Variants in PCDH15 observed in about 807,000 individuals in gnomAD.
PCDH15 encodes the protein protocadherin related 15.
Under a neutral mutation model 178.5 loss-of-function variants are expected in PCDH15, and 129 were observed. The ratio of observed to expected loss-of-function variants is 0.72; its 90% confidence interval spans 0.63 to 0.84. PCDH15 has a LOEUF of 0.84. PCDH15 is among the 40% of genes least tolerant of loss of function. PCDH15 has a pLI of 0.00. For synonymous variants in PCDH15, 800 were observed against 732.0 expected (o/e 1.09, Z -1.50); for missense variants, 2,230 against 2,099.9 (o/e 1.06, Z -1.21).
At chr10:54,154,357 C>T (rs2044867288) in intron 13 of PCDH15, among the ~76,000 whole-genome samples, 2 of 151,994 alleles carry the variant, frequency 1.3e-5, no homozygotes, top group Non-Finnish European at 2.9e-5. Flanking sequence ...AAAGAAAACA[C>T]ATGTAATTGT....
At chr10:55,212,609 T>A (rs1014789225) in intron 1 of PCDH15, among the ~76,000 whole-genome samples, 5 of 152,080 alleles carry the variant, frequency 3.3e-5, no homozygotes, top group African/African-American at 1.2e-4. Flanking sequence ...ACAGAGCGCA[T>A]GAACTGAGTG....
At chr10:53,951,985 C>G (rs1453681009) in intron 23 of PCDH15, among the ~76,000 whole-genome samples, 34 of 152,196 alleles carry the variant, frequency 2.2e-4, no homozygotes. Context: ...GCACTGCAAG[C>G]AGATTCCACT....
At chr10:55,338,668 T>C (rs1844466299) in intron 2 of PCDH15, among the ~76,000 whole-genome samples, 1 of 152,030 alleles carries the variant, frequency 6.6e-6, no homozygotes, top group Non-Finnish European at 1.5e-5. Flanking sequence ...CTTGGGATGC[T>C]GAAGCAGGGG....
chr10:54,952,557 T>A (rs763935737), intron 2 of PCDH15, among the ~76,000 whole-genome samples: 1 of 151,832 alleles, frequency 6.6e-6, no homozygotes, highest in Non-Finnish European at 1.5e-5. Flanking sequence ...GGATTTTGAT[T>A]GAGATTGCAT....
At chr10:55,087,860 C>A (rs1360010186) in intron 2 of PCDH15, among the ~76,000 whole-genome samples, 1 of 151,788 alleles carries the variant, frequency 6.6e-6, no homozygotes, top group Non-Finnish European at 1.5e-5. Context: ...TACATGGTAG[C>A]CTAACATTAA....
chr10:53,987,945 T>C (rs919686500), intron 21 of PCDH15, among the ~76,000 whole-genome samples: 2 of 152,240 alleles, frequency 1.3e-5, no homozygotes, highest in African/African-American at 4.8e-5. Context: ...TTTCCAGGTT[T>C]TTCTCTTATC....
At chr10:55,237,702 T>A (rs1042568706) in intron 1 of PCDH15, among the ~76,000 whole-genome samples, 1 of 152,172 alleles carries the variant, frequency 6.6e-6, no homozygotes, top group Non-Finnish European at 1.5e-5. Context: ...CCTGATTGGA[T>A]GATACTTATT....
At chr10:54,418,929 AT>A (rs1378173490) in intron 3 of PCDH15, among the ~76,000 whole-genome samples, 1 of 152,066 alleles carries the variant, frequency 6.6e-6, no homozygotes, top group African/African-American at 2.4e-5. Context: ...ATTAATAAAC[AT>A]TTAAAAAGTT....
At chr10:55,180,402 T>C (rs17532136) in intron 1 of PCDH15, among the ~76,000 whole-genome samples, 17,602 of 152,118 alleles carry the variant, frequency 0.12, 1,445 homozygotes, top group Non-Finnish European at 0.17. Flanking sequence ...TAAGAGACCG[T>C]CTCACCAGTA....
intron 2 of PCDH15, among the ~76,000 whole-genome samples, chr10:55,492,573 C>T (rs572465846): frequency 1.3e-5 from 2 of 151,714 alleles, no homozygotes; most frequent in Non-Finnish European, 2.9e-5. Flanking sequence ...GTAACAGTAA[C>T]CCTCTGGATC....
intron 2 of PCDH15, among the ~76,000 whole-genome samples, chr10:55,464,134 G>C (rs1486974336): frequency 6.6e-6 from 1 of 152,114 alleles, no homozygotes; most frequent in Admixed American, 6.5e-5. Context: ...CCTACCGGGA[G>C]TCGGATCAAC....
rs193241428 is a variant in PCDH15 at position 54,705,317 on chromosome 10, A to T, written c.-28-41027T>A. On this transcript the variant is annotated intron_variant, in intron 1 of 37. Coordinates refer to ENST00000644397, the MANE Select transcript of PCDH15 (RefSeq NM_001384140.1). ...GTGTACCTATGAACCTAAAATAATTAAAAAAAATACATGCTAAGATTAATC... is the reference window on the plus strand; with the variant it reads ...GTGTACCTATGAACCTAAAATAATTTAAAAAAATACATGCTAAGATTAATC... 2.0e-3 allele frequency among the ~76,000 whole-genome samples: 310 copies of T among 151,934 alleles called. 2 individuals carry two copies. Among genetic ancestry groups the T allele is most frequent in the African/African-American group, 6.1e-3 (252 of 41,412 alleles).
At chr10:54,096,278 G>A (rs1251936115) in intron 15 of PCDH15, among the ~76,000 whole-genome samples, 9 of 151,790 alleles carry the variant, frequency 5.9e-5, no homozygotes, top group Admixed American at 5.3e-4. Context: ...CTTTTGATTG[G>A]TGAGCCTCAG....
chr10:54,992,328 T>A (rs1839521642), intron 2 of PCDH15, among the ~76,000 whole-genome samples: 1 of 152,160 alleles, frequency 6.6e-6, no homozygotes, highest in Non-Finnish European at 1.5e-5. Flanking sequence ...TGATCCAAGC[T>A]GAGGCAATAA....
intron 2 of PCDH15, among the ~76,000 whole-genome samples, chr10:54,658,960 T>C (rs2094450162): frequency 6.6e-6 from 1 of 151,884 alleles, no homozygotes; most frequent in Admixed American, 6.6e-5. Flanking sequence ...ACTACACAAA[T>C]AGAAAACAAC....
At chr10:54,829,901 A>T (rs906102688) in intron 3 of PCDH15, among the ~76,000 whole-genome samples, 2 of 152,158 alleles carry the variant, frequency 1.3e-5, no homozygotes, top group African/African-American at 2.4e-5. Context: ...TGAATGGAGT[A>T]CACCTATAAA....
intron 21 of PCDH15, among the ~76,000 whole-genome samples, chr10:53,968,600 C>T (rs2089307485): frequency 6.6e-6 from 1 of 152,168 alleles, no homozygotes; most frequent in Non-Finnish European, 1.5e-5. Flanking sequence ...GAGACACATC[C>T]CAGTAGAGGC....
chr10:53,966,510 G>A (rs984101143), intron 21 of PCDH15, among the ~76,000 whole-genome samples: 4 of 151,974 alleles, frequency 2.6e-5, no homozygotes, highest in Non-Finnish European at 5.9e-5. Flanking sequence ...AATAGGTAAA[G>A]GTAATAGGCT....
At chr10:55,525,096 C>T (rs1841274102) in intron 2 of PCDH15, among the ~76,000 whole-genome samples, 1 of 151,594 alleles carries the variant, frequency 6.6e-6, no homozygotes, top group African/African-American at 2.4e-5. Flanking sequence ...AATCATTCAC[C>T]CAGAAAAGAA....
Sources: gnomAD v4.1 joint callset for allele counts (sites outside exome capture counted in the v4.1 genomes callset) on GRCh38, gnomAD v4.1.1 for gene constraint, MANE v1.5 for transcripts, NCBI Gene and HGNC (gene_info 2026-07-23, HGNC 2026-07-21) for gene names.